The following RNGTT variants were observed in gnomAD, a reference collection of about 807,000 sequenced individuals.
RNGTT encodes the protein RNA guanylyltransferase and 5'-phosphatase, also known as mRNA-capping enzyme.
A neutral mutation model predicts 79.3 loss-of-function variants in RNGTT; 33 were observed. The observed-to-expected ratio is 0.42, with a 90% CI of 0.32 to 0.56. The LOEUF is 0.56. Ranked by LOEUF, RNGTT falls within the 20% of genes least tolerant of loss-of-function variation. RNGTT has a pLI of 0.17. For missense variants in RNGTT, 497 were observed against 739.1 expected, an observed-to-expected ratio of 0.67 and a Z score of 3.80; for synonymous variants, 222 against 235.9, an observed-to-expected ratio of 0.94 and a Z score of 0.54.
intron 12 of RNGTT, among the ~76,000 whole-genome samples, chr6:88,778,408 A>C (rs1721557768): frequency 9.3e-6 from 1 of 107,668 alleles, no homozygotes; most frequent in African/African-American, 4.4e-5. Flanking sequence ...ATACTTAGGA[A>C]GGAAAAATTG....
At chr6:88,820,152 C>G (rs941845022) in intron 11 of RNGTT, among the ~76,000 whole-genome samples, 1 of 152,196 alleles carries the variant, frequency 6.6e-6, no homozygotes, top group African/African-American at 2.4e-5. Flanking sequence ...AACCTATAGG[C>G]TCCTACCAAT....
At chr6:88,684,018 A>G (rs1314761860) in intron 13 of RNGTT, among the ~76,000 whole-genome samples, 2 of 151,994 alleles carry the variant, frequency 1.3e-5, no homozygotes, top group African/African-American at 4.8e-5. Flanking sequence ...GTCTCTAAAA[A>G]CAAAAATTTA....
chr6:88,859,897 A>G (rs776766693), intron 8 of RNGTT, among the ~76,000 whole-genome samples: 1 of 152,218 alleles, frequency 6.6e-6, no homozygotes, highest in Non-Finnish European at 1.5e-5. Flanking sequence ...TGTAGGTTGC[A>G]AAGTCCCAGC....
chr6:88,909,249 G>A lies in RNGTT; in HGVS notation c.368-2809C>T, dbSNP rs572100904. Among the ~76,000 whole-genome samples the A allele has an allele frequency of 7.9e-5, 12 of 152,242 alleles. No individual in the cohort carries two copies. The East Asian group carries it at 9.7e-4, about 12-fold the overall frequency. On this transcript the variant is annotated intron_variant, in intron 4 of 15. Coordinates refer to ENST00000369485, the MANE Select transcript of RNGTT (RefSeq NM_003800.5). ...AGACAAGCCTGGCCAGTCTGGTTGC[G>A]CCTGCTCCTGAGACAGACATCAGAC...
chr6:88,656,539 T>TTA (rs1773984918), intron 14 of RNGTT, among the ~76,000 whole-genome samples: 1 of 152,162 alleles, frequency 6.6e-6, no homozygotes, highest in Non-Finnish European at 1.5e-5. Flanking sequence ...TATTCACTTA[T>TTA]TATGGTTCAC....
intron 1 of RNGTT, among the ~76,000 whole-genome samples, chr6:88,943,358 TCTC>T (rs1784909837): frequency 6.6e-6 from 1 of 152,128 alleles, no homozygotes; most frequent in South Asian, 2.1e-4. Flanking sequence ...CCTTGCCTAT[TCTC>T]CTTTTCTCAC....
At chr6:88,903,249 T>C (rs1372650719) in intron 6 of RNGTT, among the ~76,000 whole-genome samples, 1 of 152,164 alleles carries the variant, frequency 6.6e-6, no homozygotes, top group African/African-American at 2.4e-5. Flanking sequence ...TACACTGTAG[T>C]AGTCCCAGCA....
At position 88,769,811 on chromosome 6, in the gene RNGTT, C is replaced by T. The variant is rs1473485792; in HGVS notation, c.1402G>A (p.Asp468Asn). 6.2e-7 allele frequency: 1 copy of T among 1,612,380 alleles called. No homozygotes were observed. Among genetic ancestry groups the T allele is most frequent in the African/African-American group, 1.3e-5 (1 of 74,884 alleles). ...KWKPPSLNSV[D>N]FRLKITRMGG... ...ATTCTTGTTATTTTTAGACGAAAAT[C>T]CACAGAATTCAGACTGGGAGGCTTC... Residue 468 changes from aspartate (D) to asparagine (N), a missense_variant, in exon 13 of 16, where the codon GAT becomes AAT. Asp to Asn is a conservative substitution (Grantham distance 23). Transcript: ENST00000369485.
chr6:88,620,700 CA>C (rs1414715744), intron 14 of RNGTT, among the ~76,000 whole-genome samples: 5 of 152,262 alleles, frequency 3.3e-5, no homozygotes, highest in African/African-American at 1.2e-4. Context: ...TTGCAAACTG[CA>C]ATGAGGCACC....
At chr6:88,945,228 C>T (rs547083670) in intron 1 of RNGTT, among the ~76,000 whole-genome samples, 1 of 150,668 alleles carries the variant, frequency 6.6e-6, no homozygotes, top group South Asian at 2.1e-4. Flanking sequence ...GTCTCAGAGC[C>T]ATCTACACAT....
intron 8 of RNGTT, among the ~76,000 whole-genome samples, chr6:88,859,605 T>A (rs191553994): frequency 6.6e-6 from 1 of 152,248 alleles, no homozygotes; most frequent in African/African-American, 2.4e-5. Context: ...GTCAAACCAC[T>A]AAGGGAATAA....
chr6:88,927,337 G>A (rs1460386271), intron 4 of RNGTT, among the ~76,000 whole-genome samples: 1 of 152,024 alleles, frequency 6.6e-6, no homozygotes, highest in Admixed American at 6.6e-5. Flanking sequence ...GACCAGCCCA[G>A]TCAATATGGT....
chr6:88,860,422 C>A lies in RNGTT; in HGVS notation c.897-6658G>T, dbSNP rs544565436. Among the ~76,000 whole-genome samples the A allele has an allele frequency of 2.0e-5, 3 of 152,268 alleles. No homozygotes were observed. The South Asian group carries it at 6.2e-4, about 32-fold the overall frequency. On this transcript the variant is annotated intron_variant, in intron 8 of 15. Transcript: ENST00000369485. The stretch of plus-strand genomic sequence containing the variant: ...GCTGGAAATAGGCTCAGGATCTAGA[C>A]CAGACTATCCATGTTCCTTTCCCAA...
intron 13 of RNGTT, among the ~76,000 whole-genome samples, chr6:88,691,058 G>A (rs1775459696): frequency 6.6e-6 from 1 of 152,146 alleles, no homozygotes; most frequent in South Asian, 2.1e-4. Flanking sequence ...GTGTGGTTTG[G>A]ATTTGTGTCC....
At chr6:88,687,114 G>A (rs946883221) in intron 13 of RNGTT, among the ~76,000 whole-genome samples, 4 of 152,038 alleles carry the variant, frequency 2.6e-5, no homozygotes, top group African/African-American at 9.7e-5. Context: ...TAAACATTGA[G>A]AAGAAATGGG....
chr6:88,750,225 T>C (rs1777796494), intron 13 of RNGTT, among the ~76,000 whole-genome samples: 1 of 151,988 alleles, frequency 6.6e-6, no homozygotes, highest in South Asian at 2.1e-4. Flanking sequence ...TACTAAATAT[T>C]AATGAAAAAG....
In RNGTT at chr6:88,769,467, G is replaced by C. The variant is rs140379968; in HGVS notation, c.1439+307C>G. On this transcript the variant is annotated intron_variant, in intron 13 of 15. Transcript: ENST00000369485. The stretch of plus-strand genomic sequence containing the variant: ...GAGCCACCACGCCCAGCCAAAATTC[G>C]TTTTTTAATATTATTATTACCTTTT... Among the ~76,000 whole-genome samples, 1,249 of 151,742 alleles carry C rather than the reference G, an allele frequency of 8.2e-3. 61 individuals are homozygous for C. Among genetic ancestry groups the C allele is most frequent in the Admixed American group, 0.073 (1,118 of 15,212 alleles).
At chr6:88,693,889 C>T (rs970117863) in intron 13 of RNGTT, among the ~76,000 whole-genome samples, 2 of 152,098 alleles carry the variant, frequency 1.3e-5, no homozygotes, top group African/African-American at 4.8e-5. Context: ...AAGAATCTGA[C>T]AAAATTCAAC....
chr6:88,791,548 AT>A (rs200293696), intron 12 of RNGTT, among the ~76,000 whole-genome samples: 6 of 151,046 alleles, frequency 4.0e-5, no homozygotes, highest in Non-Finnish European at 7.4e-5. Context: ...TTATTTATTT[AT>A]TTTTTTTTGA....
Sources: gnomAD v4.1 joint callset for allele counts (sites outside exome capture counted in the v4.1 genomes callset) on GRCh38, gnomAD v4.1.1 for gene constraint, MANE v1.5 for transcripts, NCBI Gene and HGNC (gene_info 2026-07-23, HGNC 2026-07-21) for gene names.